SMCHD1: variants seen among roughly 807,000 people sequenced by gnomAD.
The protein encoded by SMCHD1 is structural maintenance of chromosomes flexible hinge domain containing 1.
Under a neutral mutation model 254.7 loss-of-function variants are expected in SMCHD1, and 78 were observed. The observed-to-expected ratio is 0.31, with a 90% confidence interval of 0.26 to 0.37. The LOEUF is 0.37. SMCHD1 is among the 10% of genes least tolerant of loss of function. SMCHD1 has a pLI of 1.00. For missense variants in SMCHD1, 1,840 were observed against 2,408.1 expected, an observed-to-expected ratio of 0.76 and a Z score of 4.94; for synonymous variants, 766 against 794.9, an observed-to-expected ratio of 0.96 and a Z score of 0.61.
rs1170152068 is a variant in SMCHD1, at chr18:2,718,008, A to G, written c.2261-150A>G. ...GAGTTAACTATTATTATTGCTGTTC[A>G]CTTTCATAGGATAGTGTTAGATCTT... On this transcript the variant is annotated intron_variant, in intron 17 of 47. Coordinates refer to ENST00000320876, the MANE Select transcript of SMCHD1 (RefSeq NM_015295.3). The surrounding 1 kb of genome is among the most constrained non-coding windows in gnomAD (Gnocchi z 4.6). 5.3e-6 allele frequency: 3 copies of G among 568,350 alleles called. No individual in the cohort carries two copies. The East Asian group carries it at 8.5e-5, about 16-fold the overall frequency. 35.2% of individuals were successfully genotyped at this position (568,350 alleles called of 1,614,324 possible). A position where few individuals can be genotyped will look rare whatever the true frequency, so the allele number is the denominator to read the frequency against.
chr18:2,766,440 A>G (rs2075870368), intron 37 of SMCHD1, among the ~76,000 whole-genome samples: 1 of 152,198 alleles, frequency 6.6e-6, no homozygotes, highest in Non-Finnish European at 1.5e-5. Context: ...TTGTACTCTT[A>G]CCACTAGAGG....
At chr18:2,658,672 G>A (rs2073145600) in intron 1 of SMCHD1, among the ~76,000 whole-genome samples, 1 of 151,926 alleles carries the variant, frequency 6.6e-6, no homozygotes, top group Non-Finnish European at 1.5e-5. Context: ...ATTGTGCCTC[G>A]GATCCCATAA....
intron 37 of SMCHD1, among the ~76,000 whole-genome samples, chr18:2,768,098 A>G (rs534307916): frequency 9.8e-5 from 15 of 152,310 alleles, no homozygotes; most frequent in African/African-American, 3.6e-4. Flanking sequence ...TTAGATACAT[A>G]TAATTAAAGG....
chr18:2,692,181 G>C (rs2074194420), intron 7 of SMCHD1, among the ~76,000 whole-genome samples: 1 of 152,192 alleles, frequency 6.6e-6, no homozygotes, highest in South Asian at 2.1e-4. Flanking sequence ...ATCATATCCA[G>C]TACACTCATT....
At chr18:2,788,578 CTTA>C (rs1349663058) in intron 45 of SMCHD1, among the ~76,000 whole-genome samples, 1 of 152,012 alleles carries the variant, frequency 6.6e-6, no homozygotes, top group Non-Finnish European at 1.5e-5. Context: ...GAAAAATTTA[CTTA>C]TTGTTTTTAA....
At chr18:2,705,624 T>G in intron 13 of SMCHD1, 70 bp from the exon 14 acceptor site, 1 of 632,368 alleles carries the variant, frequency 1.6e-6, no homozygotes, top group Non-Finnish European at 2.5e-6. Flanking sequence ...TGTAAAATTA[T>G]TATTAAGCCT....
chr18:2,682,214 A>G (rs1252108192), intron 5 of SMCHD1, among the ~76,000 whole-genome samples: 4 of 151,812 alleles, frequency 2.6e-5, no homozygotes, highest in African/African-American at 9.7e-5. Flanking sequence ...AGACATATAC[A>G]TACGTAGTTA....
At position 2,655,833 on chromosome 18, in the gene SMCHD1, C is replaced by T. The variant is rs951581614; in HGVS notation, c.-243C>T. The T allele has an allele frequency of 2.6e-5, 9 of 341,740 alleles. No homozygotes were observed. Among genetic ancestry groups the T allele is most frequent in the Admixed American group, 4.8e-5 (1 of 20,716 alleles). 21.2% of individuals were successfully genotyped at this position (341,740 alleles called of 1,614,324 possible). ...AGGAGCGCGCCGCGCGTCCCCTTCT[C>T]CTCAGGAGTGGCGGGCCGCGGAAGT... On this transcript the variant is annotated 5_prime_UTR_variant, in exon 1 of 48. Coordinates refer to ENST00000320876, the MANE Select transcript of SMCHD1 (RefSeq NM_015295.3).
intron 3 of SMCHD1, chr18:2,672,934 G>C (rs1209552216): frequency 3.2e-6 from 1 of 312,960 alleles, no homozygotes; most frequent in Admixed American, 6.5e-5. Context: ...ACTTGTGCTT[G>C]ATGTAATTAC....
At chr18:2,744,550 C>T (rs1296681258) in intron 29 of SMCHD1, among the ~76,000 whole-genome samples, 4 of 151,906 alleles carry the variant, frequency 2.6e-5, no homozygotes, top group African/African-American at 9.7e-5. Context: ...AGCTAATTAA[C>T]GCACATATTC....
intron 42 of SMCHD1, among the ~76,000 whole-genome samples, chr18:2,777,309 C>G (rs1280041465): frequency 6.6e-6 from 1 of 152,170 alleles, no homozygotes; most frequent in Non-Finnish European, 1.5e-5. Context: ...TCTCTGACAC[C>G]CCAATCAACT....
chr18:2,783,911 TC>T (rs1158921519), intron 44 of SMCHD1, among the ~76,000 whole-genome samples: 1 of 152,198 alleles, frequency 6.6e-6, no homozygotes, highest in African/African-American at 2.4e-5. Context: ...TCTTTTCCCA[TC>T]CATGACTTCA....
chr18:2,789,889 T>C (rs1461308138), intron 45 of SMCHD1, among the ~76,000 whole-genome samples: 2 of 152,156 alleles, frequency 1.3e-5, no homozygotes, highest in Non-Finnish European at 2.9e-5. Flanking sequence ...AAAGAGATGT[T>C]AATAATAACT....
chr18:2,656,496 C>T (rs1391804004), intron 1 of SMCHD1, among the ~76,000 whole-genome samples: 1 of 152,240 alleles, frequency 6.6e-6, no homozygotes, highest in Non-Finnish European at 1.5e-5. Flanking sequence ...CTCCCTCTGC[C>T]TCCGCTCCTT....
rs1353176134 is a variant in SMCHD1 at position 2,739,412 on chromosome 18, A to T, written c.3426-20A>T. The stretch of plus-strand genomic sequence containing the variant: ...ATTAATGGTGTCACTAAAGACTTCT[A>T]ACTTGTTAAACAATTTCAGACCACT... On this transcript the variant is annotated intron_variant, in intron 26 of 47. Transcript: ENST00000320876. 9 of 1,597,898 alleles carry T rather than the reference A, an allele frequency of 5.6e-6. No homozygotes were observed. The African/African-American group carries it at 1.2e-4, about 21-fold the overall frequency.
At chr18:2,662,689 AAG>A in intron 1 of SMCHD1, among the ~76,000 whole-genome samples, 1 of 150,522 alleles carries the variant, frequency 6.6e-6, no homozygotes, top group African/African-American at 2.4e-5. Context: ...AAAAAAAAAA[AAG>A]GGACATCATA....
intron 7 of SMCHD1, chr18:2,691,646 T>G (rs1275559230): frequency 6.6e-6 from 1 of 152,130 alleles, no homozygotes; most frequent in Non-Finnish European, 1.5e-5. Flanking sequence ...TAACAGAAAA[T>G]ATTTAATAGA....
intron 17 of SMCHD1, 53 bp downstream of exon 17, chr18:2,707,973 C>A: frequency 9.4e-7 from 1 of 1,065,142 alleles, no homozygotes; most frequent in South Asian, 1.9e-5. Flanking sequence ...AATATAATAT[C>A]AAATTAAATA....
intron 45 of SMCHD1, among the ~76,000 whole-genome samples, chr18:2,792,895 G>A (rs994707271): frequency 9.9e-5 from 15 of 152,146 alleles, no homozygotes; most frequent in African/African-American, 3.6e-4. Flanking sequence ...ACCTAGCTTT[G>A]ATTATTAAAA....
Sources: allele counts gnomAD v4.1 joint callset (sites outside exome capture counted in the v4.1 genomes callset), GRCh38; gene constraint gnomAD v4.1.1; non-coding constraint Gnocchi (gnomAD v3.1); transcripts MANE v1.5; gene names NCBI Gene and HGNC (gene_info 2026-07-23, HGNC 2026-07-21).